Variants in PDZD8 observed in about 807,000 individuals in gnomAD.
The protein encoded by PDZD8 is PDZ domain-containing protein 8.
PDZD8 carries 14 observed loss-of-function variants against 85.8 expected under a neutral mutation model. That is an observed-to-expected ratio of 0.16 (90% confidence interval 0.11 to 0.26). The LOEUF (loss-of-function observed/expected upper bound fraction) is 0.26. PDZD8 is among the 10% of genes least tolerant of loss of function. The pLI is 1.00. For missense variants in PDZD8, 1,197 were observed against 1,424.3 expected (o/e 0.84, Z 2.57); for synonymous variants, 592 against 568.6 (o/e 1.04, Z -0.59).
At chr10:117,352,509 G>A (rs1477445257) in intron 1 of PDZD8, among the ~76,000 whole-genome samples, 2 of 152,158 alleles carry the variant, frequency 1.3e-5, no homozygotes, top group Non-Finnish European at 2.9e-5. Flanking sequence ...ACAAAACTTA[G>A]AATCATATAT....
chr10:117,277,627 T>C lies in PDZD8; in HGVS notation c.*5641A>G, dbSNP rs1844519119. On this transcript the variant is annotated 3_prime_UTR_variant, in exon 5 of 5. Coordinates refer to ENST00000334464, the MANE Select transcript of PDZD8 (RefSeq NM_173791.5). ...AACATTTGGGCAAAAATCATATTGG[T>C]AATGAGTGTTTAAAATTAAAGCACA... 1 of 155,234 alleles carries C rather than the reference T, an allele frequency of 6.4e-6. No individual in the cohort carries two copies. The highest frequency in any genetic ancestry group is 2.4e-5 in the African/African-American group (1 of 41,544). The allele number at this position is 155,234 out of a possible 1,614,324, so 9.6% of individuals were successfully genotyped here. A position where few individuals can be genotyped will look rare whatever the true frequency, so the allele number is the denominator to read the frequency against.
rs969931623 is a variant in PDZD8, at chr10:117,341,548, T to A, written c.873-446A>T. Among the ~76,000 whole-genome samples, 20 of 152,122 alleles carry A rather than the reference T, an allele frequency of 1.3e-4. No homozygotes were observed. In the South Asian group the frequency reaches 4.1e-3, roughly 32 times the overall value. ...ATACCAAAATCCCAGGATGCTCAAG[T>A]CTCTAATATAAAATGGCCCAGTATC... is the stretch of plus-strand genomic sequence containing the variant. On this transcript the variant is annotated intron_variant, in intron 1 of 4. Transcript: ENST00000334464.
intron 4 of PDZD8, chr10:117,285,679 C>T: frequency 1.7e-6 from 2 of 1,197,216 alleles, no homozygotes; most frequent in Non-Finnish European, 2.1e-6. Context: ...GTGCTGATAT[C>T]CTGGAGATGT....
intron 3 of PDZD8, among the ~76,000 whole-genome samples, chr10:117,294,939 T>C (rs1173935876): frequency 6.6e-6 from 1 of 152,142 alleles, no homozygotes; most frequent in Admixed American, 6.5e-5. Context: ...TATTGCACAA[T>C]AGGGTAACTA....
rs185806135 is a variant in PDZD8, at chr10:117,299,716, A to G, written c.1099-9368T>C. Among the ~76,000 whole-genome samples the G allele has an allele frequency of 9.3e-4, 141 of 151,924 alleles. 3 individuals are homozygous for G. In the East Asian group the frequency reaches 0.023, roughly 25 times the overall value. ...TATTTCTCTGGAGAATTTTTCATCC[A>G]TATCCTATTTTTTTTCTAATTTCTT... On this transcript the variant is annotated intron_variant, in intron 3 of 4. Coordinates refer to ENST00000334464, the MANE Select transcript of PDZD8 (RefSeq NM_173791.5).
In PDZD8 at chr10:117,354,770, T is replaced by G. The variant is rs536464653; in HGVS notation, c.873-13668A>C. Among the ~76,000 whole-genome samples the G allele has an allele frequency of 3.9e-5, 6 of 152,308 alleles. No individual in the cohort carries two copies. The South Asian group carries it at 1.2e-3, about 32-fold the overall frequency. ...GTTTTGGCTCTATCACATTAGGAACTAGCAAACATAAATGTTCTCTTCAAA... is the reference window on the plus strand; with the variant it reads ...GTTTTGGCTCTATCACATTAGGAACGAGCAAACATAAATGTTCTCTTCAAA... On this transcript the variant is annotated intron_variant, in intron 1 of 4. Transcript: ENST00000334464.
At chr10:117,291,909 A>G (rs1350219493) in intron 3 of PDZD8, among the ~76,000 whole-genome samples, 1 of 152,054 alleles carries the variant, frequency 6.6e-6, no homozygotes, top group Non-Finnish European at 1.5e-5. Flanking sequence ...CAAGGATTCA[A>G]TTAGTGTTTA....
Position 117,284,033 on chromosome 10 carries a change from C to T in PDZD8, c.2700G>A (p.Arg900=). 1 of 1,614,180 alleles carries T rather than the reference C, an allele frequency of 6.2e-7. No homozygotes were observed. The highest frequency in any genetic ancestry group is 1.1e-5 in the South Asian group (1 of 91,080). The change falls in exon 5 of 5, where the codon AGG becomes AGA. Residue 900 remains arginine (R), a synonymous_variant. Transcript: ENST00000334464. ...VCGATDRRID[R]TLKNLRLEGQ... Reference sequence around the variant, plus strand: ...CTTCCAGCCTAAGGTTTTTCAGTGTCCTGTCTATTCGCCTATCAGTTGCTC... The same window carrying T: ...CTTCCAGCCTAAGGTTTTTCAGTGTTCTGTCTATTCGCCTATCAGTTGCTC...
chr10:117,293,263 A>G (rs576731350), intron 3 of PDZD8, among the ~76,000 whole-genome samples: 2 of 152,170 alleles, frequency 1.3e-5, no homozygotes, highest in African/African-American at 4.8e-5. Flanking sequence ...ATTCTCTCCC[A>G]TATGTATGCA....
chr10:117,336,993 G>T (rs1317750147), intron 2 of PDZD8, among the ~76,000 whole-genome samples: 2 of 151,842 alleles, frequency 1.3e-5, no homozygotes, highest in Non-Finnish European at 2.9e-5. Flanking sequence ...GGAGGCTGAG[G>T]CAAAAGAATG....
chr10:117,318,929 G>A lies in PDZD8; in HGVS notation c.1041C>T (p.Cys347=), dbSNP rs17852539. The part of the protein sequence containing the change: ...GSYDREANVH[C]TLELSSSVWE... Reference sequence around the variant, plus strand: ...AAACACTACTGCTTAACTCAAGTGTGCAATGAACATTTGCCTCTCTGTCAT... The same window carrying A: ...AAACACTACTGCTTAACTCAAGTGTACAATGAACATTTGCCTCTCTGTCAT... Residue 347 remains cysteine (C), a synonymous_variant, in exon 3 of 5, where the codon TGC becomes TGT. Transcript: ENST00000334464. 3.7e-6 allele frequency: 6 copies of A among 1,612,228 alleles called. No individual in the cohort carries two copies. The highest frequency in any genetic ancestry group is 1.7e-4 in the Middle Eastern group (1 of 6,052).
chr10:117,342,393 T>TACACACACACACACACACACACACAC (rs59113065), intron 1 of PDZD8, among the ~76,000 whole-genome samples: 20 of 145,682 alleles, frequency 1.4e-4, no homozygotes, highest in Middle Eastern at 7.1e-3. Flanking sequence ...CACAAACAGA[T>TACACACACACACACACACACACACAC]ACACACACAC....
chr10:117,328,880 C>T (rs906570180), intron 2 of PDZD8, among the ~76,000 whole-genome samples: 2 of 152,210 alleles, frequency 1.3e-5, no homozygotes, highest in Non-Finnish European at 2.9e-5. Flanking sequence ...GCCACAGCAC[C>T]AGGCCTTGAC....
chr10:117,341,348 A>G (rs1844609188), intron 1 of PDZD8, among the ~76,000 whole-genome samples: 2 of 152,222 alleles, frequency 1.3e-5, no homozygotes, highest in Admixed American at 1.3e-4. Flanking sequence ...AAGAAAAGAA[A>G]AGCCTAGAGG....
At chr10:117,313,728 T>C (rs1193729947) in intron 3 of PDZD8, among the ~76,000 whole-genome samples, 1 of 148,042 alleles carries the variant, frequency 6.8e-6, no homozygotes, top group African/African-American at 2.5e-5. Context: ...TTTCCCTAAA[T>C]ACTGTTTTTT....
intron 1 of PDZD8, among the ~76,000 whole-genome samples, chr10:117,360,730 G>A (rs4465301): frequency 0.04 from 6,065 of 151,254 alleles, 141 homozygotes; most frequent in East Asian, 0.067. Context: ...CAATACCAAG[G>A]TGTACAAGCA....
At chr10:117,354,424 T>C (rs1243599417) in intron 1 of PDZD8, among the ~76,000 whole-genome samples, 1 of 152,192 alleles carries the variant, frequency 6.6e-6, no homozygotes, top group South Asian at 2.1e-4. Flanking sequence ...ACTAGCTGTC[T>C]CACTGAATCT....
chr10:117,350,264 G>C (rs919529796), intron 1 of PDZD8, among the ~76,000 whole-genome samples: 2 of 115,782 alleles, frequency 1.7e-5, no homozygotes. Context: ...TTGTTTGTTT[G>C]TTTCTTTTTT....
intron 2 of PDZD8, among the ~76,000 whole-genome samples, chr10:117,326,556 A>G (rs1844320940): frequency 6.6e-6 from 1 of 152,236 alleles, no homozygotes; most frequent in South Asian, 2.1e-4. Flanking sequence ...CAGCTTCTGT[A>G]GGTAACTTGA....
Sources: gnomAD v4.1 joint callset for allele counts (sites outside exome capture counted in the v4.1 genomes callset) on GRCh38, gnomAD v4.1.1 for gene constraint, MANE v1.5 for transcripts, NCBI Gene and HGNC (gene_info 2026-07-23, HGNC 2026-07-21) for gene names.